The following TLE1 variants were observed in gnomAD, a reference collection of about 807,000 sequenced individuals.
The protein encoded by TLE1 is transducin-like enhancer protein 1.
In TLE1, 21 loss-of-function variants were observed where a neutral mutation model predicts 89.8. The observed-to-expected ratio is 0.23, with a 90% CI of 0.17 to 0.34. TLE1 has a LOEUF of 0.34. TLE1 is among the 10% of genes least tolerant of loss of function. The pLI is 1.00. For synonymous variants in TLE1, 447 were observed against 407.6 expected (o/e 1.10, Z -1.16); for missense variants, 795 against 1,031.2 (o/e 0.77, Z 3.14).
At chr9:81,631,892 T>C (rs112220777) in intron 8 of TLE1, among the ~76,000 whole-genome samples, 28,174 of 151,954 alleles carry the variant, frequency 0.19, 4,462 homozygotes, top group African/African-American at 0.44. Flanking sequence ...CACCTGAGGT[T>C]GGGAGTTCCA....
At chr9:81,601,053 C>T (rs901019636) in intron 14 of TLE1, among the ~76,000 whole-genome samples, 3 of 152,208 alleles carry the variant, frequency 2.0e-5, no homozygotes, top group African/African-American at 2.4e-5. Context: ...ATAACTCCTT[C>T]TCCATATCCA....
At chr9:81,590,636 C>T (rs541537229) in intron 16 of TLE1, among the ~76,000 whole-genome samples, 169 bp downstream of exon 16, 3 of 152,322 alleles carry the variant, frequency 2.0e-5, no homozygotes, top group South Asian at 4.1e-4. Context: ...AGACTGTAAG[C>T]CCCCCAAAGG....
intron 1 of TLE1, 63 bp downstream of exon 1, chr9:81,688,145 GTCTCCCTAC>G: frequency 6.3e-7 from 1 of 1,576,508 alleles, no homozygotes; most frequent in Non-Finnish European, 8.7e-7. Flanking sequence ...GAAGCCACCA[GTCTCCCTAC>G]CGCCCGGGAG....
Position 81,591,061 on chromosome 9 carries a change from T to C in TLE1, c.1582-9A>G. 2 of 1,608,238 alleles carry C rather than the reference T, an allele frequency of 1.2e-6. No individual in the cohort carries two copies. The highest frequency in any genetic ancestry group is 1.7e-6 in the Non-Finnish European group (2 of 1,175,204). On this transcript the variant is annotated splice_polypyrimidine_tract_variant and intron_variant, in intron 15 of 19. Coordinates refer to ENST00000376499, the MANE Select transcript of TLE1 (RefSeq NM_005077.5). ...ATATAATTGTCTCTGTTCTGTAGAATAAACATAATTCATTGCTATAATGAA... is the reference window on the plus strand; with the variant it reads ...ATATAATTGTCTCTGTTCTGTAGAACAAACATAATTCATTGCTATAATGAA...
At chr9:81,611,091 G>T (rs1271407495) in intron 13 of TLE1, among the ~76,000 whole-genome samples, 2 of 152,176 alleles carry the variant, frequency 1.3e-5, no homozygotes, top group Admixed American at 6.5e-5. Context: ...GAGAAATGAC[G>T]GTGGGACTTT....
intron 9 of TLE1, among the ~76,000 whole-genome samples, chr9:81,617,037 A>C (rs890086331): frequency 6.6e-6 from 1 of 150,780 alleles, no homozygotes; most frequent in African/African-American, 2.4e-5. Flanking sequence ...TTCTCGAGGG[A>C]TGAAATCTTT....
intron 11 of TLE1, among the ~76,000 whole-genome samples, chr9:81,615,712 C>CAA (rs371090700): frequency 2.1e-4 from 21 of 97,938 alleles, no homozygotes; most frequent in African/African-American, 6.0e-4. Context: ...GACTCCGTCT[C>CAA]AAAAAAAAAA....
At chr9:81,615,765 C>T (rs942629421) in intron 11 of TLE1, among the ~76,000 whole-genome samples, 15 of 151,042 alleles carry the variant, frequency 9.9e-5, no homozygotes, top group Non-Finnish European at 1.9e-4. Flanking sequence ...AACACAGATG[C>T]GTGTACACCC....
chr9:81,674,679 G>T (rs1177143501), intron 4 of TLE1, among the ~76,000 whole-genome samples: 1 of 152,246 alleles, frequency 6.6e-6, no homozygotes, highest in African/African-American at 2.4e-5. Flanking sequence ...AGAACAAAGA[G>T]AGGAGGACTT....
At chr9:81,635,307 A>G (rs1564004007) in intron 6 of TLE1, among the ~76,000 whole-genome samples, 1 of 152,180 alleles carries the variant, frequency 6.6e-6, no homozygotes, top group Non-Finnish European at 1.5e-5. Context: ...GTGGATGAGG[A>G]AAGCACTTAT....
At chr9:81,663,731 TCACG>T (rs1831115663) in intron 4 of TLE1, among the ~76,000 whole-genome samples, 1 of 151,042 alleles carries the variant, frequency 6.6e-6, no homozygotes, top group African/African-American at 2.4e-5. Context: ...CACGCCATTC[TCACG>T]CCTGCCTCAG....
chr9:81,666,707 G>A (rs931403357), intron 4 of TLE1, among the ~76,000 whole-genome samples: 3 of 151,922 alleles, frequency 2.0e-5, no homozygotes, highest in African/African-American at 4.8e-5. Flanking sequence ...CCCGGGAAGC[G>A]GAGGTTGCAA....
intron 8 of TLE1, among the ~76,000 whole-genome samples, chr9:81,631,351 C>T (rs1428207561): frequency 6.6e-6 from 1 of 152,200 alleles, no homozygotes; most frequent in African/African-American, 2.4e-5. Context: ...GTATAAAATA[C>T]ATCTCTACTA....
chr9:81,634,437 C>A (rs1827115145), intron 6 of TLE1, 136 bp from the exon 7 acceptor site: 3 of 641,524 alleles, frequency 4.7e-6, no homozygotes, highest in South Asian at 3.5e-5. Flanking sequence ...GGAGGTTCAA[C>A]AAACACACAA....
chr9:81,591,591 C>T (rs370206862), intron 15 of TLE1, among the ~76,000 whole-genome samples: 21 of 152,234 alleles, frequency 1.4e-4, no homozygotes, highest in South Asian at 4.2e-4. Flanking sequence ...CCATCAAAAC[C>T]GACACATATG....
intron 14 of TLE1, among the ~76,000 whole-genome samples, chr9:81,608,618 A>G (rs1320474874): frequency 3.3e-5 from 5 of 152,158 alleles, no homozygotes; most frequent in African/African-American, 9.7e-5. Context: ...TGAAGGCCTA[A>G]GACATGTAGC....
intron 17 of TLE1, among the ~76,000 whole-genome samples, chr9:81,586,615 T>C (rs1444464896): frequency 6.6e-6 from 1 of 152,150 alleles, no homozygotes; most frequent in Admixed American, 6.6e-5. Context: ...GCTGCTAGAG[T>C]TTATTTTAAA....
chr9:81,684,291 G>A (rs1189437796), intron 4 of TLE1, among the ~76,000 whole-genome samples: 2 of 152,012 alleles, frequency 1.3e-5, no homozygotes, highest in African/African-American at 2.4e-5. Flanking sequence ...TAGCCACTGA[G>A]AAACACACAA....
intron 8 of TLE1, among the ~76,000 whole-genome samples, chr9:81,625,893 A>G (rs923054727): frequency 2.1e-5 from 3 of 141,162 alleles, no homozygotes; most frequent in African/African-American, 8.6e-5. Context: ...TGTTCTGGAA[A>G]GTAACCTCAG....
Sources: gnomAD v4.1 joint callset for allele counts (sites outside exome capture counted in the v4.1 genomes callset) on GRCh38, gnomAD v4.1.1 for gene constraint, MANE v1.5 for transcripts, NCBI Gene and HGNC (gene_info 2026-07-23, HGNC 2026-07-21) for gene names.